Variants in ZC3H12A observed in about 807,000 individuals in gnomAD.
The protein encoded by ZC3H12A is zinc finger CCCH-type containing 12A.
Under a neutral mutation model 29.9 loss-of-function variants are expected in ZC3H12A, and 9 were observed. The ratio of observed to expected loss-of-function variants is 0.30; its 90% CI spans 0.18 to 0.53. The LOEUF (loss-of-function observed/expected upper bound fraction) is 0.53, where lower values mean the gene tolerates loss of function less well. ZC3H12A is among the 20% of genes least tolerant of loss of function. The probability of loss-of-function intolerance (pLI) is 0.96; values close to 1 mark genes in which losing one functional copy is unlikely to be tolerated. For synonymous variants in ZC3H12A, 323 were observed against 338.1 expected, an observed-to-expected ratio of 0.96 and a Z score of 0.49; for missense variants, 617 against 799.0, an observed-to-expected ratio of 0.77 and a Z score of 2.75.
chr1:37,481,329 G>C (rs1641697293), intron 3 of ZC3H12A, among the ~76,000 whole-genome samples: 1 of 152,254 alleles, frequency 6.6e-6, no homozygotes, highest in Non-Finnish European at 1.5e-5. Flanking sequence ...ATGTCCAGAA[G>C]GAGAAAAGGA....
Position 37,475,858 on chromosome 1 carries a change from T to G in ZC3H12A, c.362T>G (p.Leu121Arg). 6.3e-7 allele frequency: 1 copy of G among 1,575,364 alleles called. No individual in the cohort carries two copies. Among genetic ancestry groups the G allele is most frequent in the Non-Finnish European group, 8.6e-7 (1 of 1,159,702 alleles). Reference sequence around the variant, plus strand: ...GGTGGCACCCCTAAGGCTCCCAACCTGGAGCCTCCACTCCCAGAAGAGGAA... The same window carrying G: ...GGTGGCACCCCTAAGGCTCCCAACCGGGAGCCTCCACTCCCAGAAGAGGAA... ...RGGGTPKAPN[L>R]EPPLPEEEKE... The change falls in exon 2 of 6, where the codon CTG (leucine) becomes CGG (arginine). Residue 121 changes from leucine to arginine, a missense_variant. This residue lies in a region of ZC3H12A where 255 missense variants were observed against 402.5 expected (regional missense o/e 0.63). Transcript: ENST00000373087. This position sits in a 1 kb window ranked among gnomAD's most constrained non-coding sequence, Gnocchi z 5.2.
intron 3 of ZC3H12A, 91 bp from the exon 4 acceptor site, chr1:37,481,510 C>G (rs754660034): frequency 4.4e-5 from 57 of 1,294,604 alleles, no homozygotes; most frequent in African/African-American, 8.7e-5. Flanking sequence ...TTAACCACTC[C>G]TGTGTGTGGC....
chr1:37,483,810 T>G lies in ZC3H12A; in HGVS notation c.*199T>G, dbSNP rs1291265326. On this transcript the variant is annotated 3_prime_UTR_variant, in exon 6 of 6. Transcript: ENST00000373087. ...GGCCCATGCAGCACCTCTAGCTGTCTGCCTCAGTGGGTCAGAAGCGATCAC... is the reference window on the plus strand; with the variant it reads ...GGCCCATGCAGCACCTCTAGCTGTCGGCCTCAGTGGGTCAGAAGCGATCAC... 7 of 668,250 alleles carry G rather than the reference T, an allele frequency of 1.0e-5. No homozygotes were observed. The highest frequency in any genetic ancestry group is 2.1e-5 in the South Asian group (1 of 46,610). The allele number at this position is 668,250 out of a possible 1,614,324, so 41.4% of individuals were successfully genotyped here.
chr1:37,481,541 C>CT, intron 3 of ZC3H12A, 60 bp from the exon 4 acceptor site: 1 of 1,566,796 alleles, frequency 6.4e-7, no homozygotes, highest in Non-Finnish European at 8.8e-7. Context: ...TTAGGGAGCC[C>CT]TGTAGGCCTG....
Position 37,481,675 on chromosome 1 carries a change from C to A in ZC3H12A, c.658C>A (p.Arg220=), listed in dbSNP as rs565672584. 1 of 1,614,232 alleles carries A rather than the reference C, an allele frequency of 6.2e-7. No homozygotes were observed. Among genetic ancestry groups the A allele is most frequent in the Non-Finnish European group, 8.5e-7 (1 of 1,180,036 alleles). ...FTPSRRVGGK[R]VVCYDDRFIV... The stretch of plus-strand genomic sequence containing the variant: ...ACCATCACGACGCGTGGGTGGCAAG[C>A]GGGTGGTGTGCTATGACGACAGATT... Residue 220 remains arginine (R), a synonymous_variant, in exon 4 of 6, where the codon CGG becomes AGG. Transcript: ENST00000373087.
In ZC3H12A at chr1:37,475,212, C is replaced by T. The variant is rs1641558117; in HGVS notation, c.-38-247C>T. Among the ~76,000 whole-genome samples, 1 of 152,224 alleles carries T rather than the reference C, an allele frequency of 6.6e-6. No homozygotes were observed. Among genetic ancestry groups the T allele is most frequent in the Admixed American group, 6.5e-5 (1 of 15,284 alleles). On this transcript the variant is annotated intron_variant, in intron 1 of 5. Transcript: ENST00000373087. This position sits in a 1 kb window ranked among gnomAD's most constrained non-coding sequence, Gnocchi z 5.2. ...TCCAGTCTTAGTTCAGACTAAGTTC[C>T]GATCTTCGAGCCACCAGCTAACAGC...
rs143408876 is a variant in ZC3H12A at position 37,481,400 on chromosome 1, G to A, written c.584-201G>A. Among the ~76,000 whole-genome samples the A allele has an allele frequency of 3.8e-4, 57 of 151,672 alleles. No homozygotes were observed. In the East Asian group the frequency reaches 6.6e-3, roughly 17 times the overall value. ...CAGGCCCTGCCGCCTGTGTTCAGATGTTCTTGGTCTTCAGGCAGCAAACTG... is the reference window on the plus strand; with the variant it reads ...CAGGCCCTGCCGCCTGTGTTCAGATATTCTTGGTCTTCAGGCAGCAAACTG... On this transcript the variant is annotated intron_variant, in intron 3 of 5. Coordinates refer to ENST00000373087, the MANE Select transcript of ZC3H12A (RefSeq NM_025079.3).
chr1:37,479,201 C>G lies in ZC3H12A; in HGVS notation c.444-1089C>G, dbSNP rs189799040. ...GGGGCTGCTGGTCCTAGGAGCTCTTCCATGACACCTAGTGTTACCTGGGAG... is the reference window on the plus strand; with the variant it reads ...GGGGCTGCTGGTCCTAGGAGCTCTTGCATGACACCTAGTGTTACCTGGGAG... On this transcript the variant is annotated intron_variant, in intron 2 of 5. Transcript: ENST00000373087. This position sits in a 1 kb window ranked among gnomAD's most constrained non-coding sequence, Gnocchi z 4.5. 5 of 985,428 alleles carry G rather than the reference C, an allele frequency of 5.1e-6. No homozygotes were observed. In the East Asian group the frequency reaches 5.7e-4, roughly 112 times the overall value. The allele number at this position is 985,428 out of a possible 1,614,324, so 61.0% of individuals were successfully genotyped here. A position where few individuals can be genotyped will look rare whatever the true frequency, so the allele number is the denominator to read the frequency against.
chr1:37,477,255 G>A (rs921979392), intron 2 of ZC3H12A, among the ~76,000 whole-genome samples: 2 of 152,212 alleles, frequency 1.3e-5, no homozygotes, highest in African/African-American at 4.8e-5. Flanking sequence ...TGGAGGTATG[G>A]GCCAGGAGCG....
In ZC3H12A at chr1:37,481,794, C is replaced by T; in HGVS notation, c.777C>T (p.Phe259=). ...GCGAGCGGCAGGAGTGGAAGCGCTT[C>T]ATCGAGGAGCGGCTGCTCATGTACT... is the stretch of plus-strand genomic sequence containing the variant. The part of the protein sequence containing the change: ...LQGERQEWKR[F]IEERLLMYSF... Residue 259 remains phenylalanine (F), a synonymous_variant, in exon 4 of 6, where the codon TTC becomes TTT. Coordinates refer to ENST00000373087, the MANE Select transcript of ZC3H12A (RefSeq NM_025079.3). The T allele has an allele frequency of 6.2e-7, 1 of 1,614,210 alleles. No homozygotes were observed. The highest frequency in any genetic ancestry group is 8.5e-7 in the Non-Finnish European group (1 of 1,180,032).
At position 37,475,482 on chromosome 1, in the gene ZC3H12A, C is replaced by T; in HGVS notation, c.-15C>T. 1.9e-6 allele frequency: 3 copies of T among 1,587,352 alleles called. No individual in the cohort carries two copies. Among genetic ancestry groups the T allele is most frequent in the Non-Finnish European group, 2.6e-6 (3 of 1,165,386 alleles). On this transcript the variant is annotated 5_prime_UTR_variant, in exon 2 of 6. Coordinates refer to ENST00000373087, the MANE Select transcript of ZC3H12A (RefSeq NM_025079.3). The surrounding 1 kb of genome is among the most constrained non-coding windows in gnomAD (Gnocchi z 5.2). ...AGTAGGAGCTGTGGCGCGGGGCCTTCCAGGAGTCTGAGCTATGAGTGGCCC... is the reference window on the plus strand; with the variant it reads ...AGTAGGAGCTGTGGCGCGGGGCCTTTCAGGAGTCTGAGCTATGAGTGGCCC...
At position 37,479,381 on chromosome 1, in the gene ZC3H12A, C is replaced by G; in HGVS notation, c.444-909C>G. The G allele has an allele frequency of 1.0e-6, 1 of 985,418 alleles. No homozygotes were observed. Among genetic ancestry groups the G allele is most frequent in the South Asian group, 4.7e-5 (1 of 21,286 alleles). 61.0% of individuals were successfully genotyped at this position (985,418 alleles called of 1,614,324 possible). On this transcript the variant is annotated intron_variant, in intron 2 of 5. Transcript: ENST00000373087. This position sits in a 1 kb window ranked among gnomAD's most constrained non-coding sequence, Gnocchi z 4.5. ...CTGGGCCCATTTTCAGATAGAGGAA[C>G]GGAGAGCTGCGGCAGCCCAGGAGCC...
At chr1:37,480,736 G>A (rs544512814) in intron 3 of ZC3H12A, among the ~76,000 whole-genome samples, 3 of 152,278 alleles carry the variant, frequency 2.0e-5, no homozygotes, top group East Asian at 1.9e-4. Context: ...GCTCTGAGTC[G>A]AGACAGCCAG....
At chr1:37,482,048 G>A (rs1469082911) in intron 4 of ZC3H12A, among the ~76,000 whole-genome samples, 1 of 152,234 alleles carries the variant, frequency 6.6e-6, no homozygotes, top group Non-Finnish European at 1.5e-5. Flanking sequence ...GGGGTGGAGA[G>A]AGTGGCTAAT....
In ZC3H12A at chr1:37,484,083, C is replaced by T. The variant is rs1641776957; in HGVS notation, c.*472C>T. On this transcript the variant is annotated 3_prime_UTR_variant, in exon 6 of 6. Coordinates refer to ENST00000373087, the MANE Select transcript of ZC3H12A (RefSeq NM_025079.3). ...AGGGCCTCCTCTACGCCAATGAGGCCTCATCTGTGCTCTCGCTGGGCACGT... is the reference window on the plus strand; with the variant it reads ...AGGGCCTCCTCTACGCCAATGAGGCTTCATCTGTGCTCTCGCTGGGCACGT... 1 of 159,174 alleles carries T rather than the reference C, an allele frequency of 6.3e-6. No homozygotes were observed. The highest frequency in any genetic ancestry group is 1.4e-5 in the Non-Finnish European group (1 of 72,368). The allele number at this position is 159,174 out of a possible 1,614,324, so 9.9% of individuals were successfully genotyped here.
chr1:37,479,295 G>A lies in ZC3H12A; in HGVS notation c.444-995G>A. ...CCCCTACTTTGCAGGGCCATCTTTG[G>A]CCTGAAGCCACCAGGAAAGCTGTCC... On this transcript the variant is annotated intron_variant, in intron 2 of 5. Transcript: ENST00000373087. This position sits in a 1 kb window ranked among gnomAD's most constrained non-coding sequence, Gnocchi z 4.5. 1 of 985,198 alleles carries A rather than the reference G, an allele frequency of 1.0e-6. No individual in the cohort carries two copies. Among genetic ancestry groups the A allele is most frequent in the Non-Finnish European group, 1.2e-6 (1 of 829,932 alleles). The allele number at this position is 985,198 out of a possible 1,614,324, so 61.0% of individuals were successfully genotyped here. A position where few individuals can be genotyped will look rare whatever the true frequency, so the allele number is the denominator to read the frequency against.
Position 37,479,631 on chromosome 1 carries a change from C to T in ZC3H12A, c.444-659C>T, listed in dbSNP as rs1034325689. The T allele has an allele frequency of 3.0e-6, 3 of 985,304 alleles. No individual in the cohort carries two copies. Among genetic ancestry groups the T allele is most frequent in the African/African-American group, 3.5e-5 (2 of 57,230 alleles). 61.0% of individuals were successfully genotyped at this position (985,304 alleles called of 1,614,324 possible). On this transcript the variant is annotated intron_variant, in intron 2 of 5. Transcript: ENST00000373087. The surrounding 1 kb of genome is among the most constrained non-coding windows in gnomAD (Gnocchi z 4.5). Reference sequence around the variant, plus strand: ...GACTGAAAGGCTCCTGGGGAACTTGCTTCACTCCGGCGCTTTCTGTCCCAT... The same window carrying T: ...GACTGAAAGGCTCCTGGGGAACTTGTTTCACTCCGGCGCTTTCTGTCCCAT...
chr1:37,481,719 C>T lies in ZC3H12A; in HGVS notation c.702C>T (p.Tyr234=), dbSNP rs150814429. Reference sequence around the variant, plus strand: ...ACAGATTCATTGTGAAGCTGGCCTACGAGTCTGACGGGATCGTGGTTTCCA... The same window carrying T: ...ACAGATTCATTGTGAAGCTGGCCTATGAGTCTGACGGGATCGTGGTTTCCA... ...YDDRFIVKLA[Y]ESDGIVVSND... The change falls in exon 4 of 6, where the codon TAC becomes TAT. Residue 234 remains tyrosine, a synonymous_variant. Coordinates refer to ENST00000373087, the MANE Select transcript of ZC3H12A (RefSeq NM_025079.3). 3.6e-4 allele frequency: 574 copies of T among 1,614,234 alleles called. 2 individuals carry two copies. The African/African-American group carries it at 6.2e-3, about 17-fold the overall frequency.
chr1:37,479,354 T>C lies in ZC3H12A; in HGVS notation c.444-936T>C. 1 of 985,422 alleles carries C rather than the reference T, an allele frequency of 1.0e-6. No individual in the cohort carries two copies. Among genetic ancestry groups the C allele is most frequent in the Non-Finnish European group, 1.2e-6 (1 of 829,930 alleles). 61.0% of individuals were successfully genotyped at this position (985,422 alleles called of 1,614,324 possible). On this transcript the variant is annotated intron_variant, in intron 2 of 5. Transcript: ENST00000373087. The surrounding 1 kb of genome is among the most constrained non-coding windows in gnomAD (Gnocchi z 4.5). Reference sequence around the variant, plus strand: ...GACCCCTCTTAAGGAAGCTGCAGACTGCTGGGCCCATTTTCAGATAGAGGA... The same window carrying C: ...GACCCCTCTTAAGGAAGCTGCAGACCGCTGGGCCCATTTTCAGATAGAGGA...
Sources: allele counts gnomAD v4.1 joint callset (sites outside exome capture counted in the v4.1 genomes callset), GRCh38; gene constraint gnomAD v4.1.1; regional missense constraint gnomAD v4.1.1; non-coding constraint Gnocchi (gnomAD v3.1); transcripts MANE v1.5; gene names NCBI Gene and HGNC (gene_info 2026-07-23, HGNC 2026-07-21).